The following ST8SIA4 variants were observed in gnomAD, a reference collection of about 807,000 sequenced individuals.
ST8SIA4 encodes ST8 alpha-N-acetyl-neuraminide alpha-2,8-sialyltransferase 4, also known as CMP-N-acetylneuraminate-poly-alpha-2,8-sialyltransferase.
A neutral mutation model predicts 33.9 loss-of-function variants in ST8SIA4; 15 were observed. The ratio of observed to expected loss-of-function variants is 0.44; its 90% CI spans 0.30 to 0.68. ST8SIA4 has a LOEUF of 0.68. Ranked by LOEUF, ST8SIA4 falls within the 30% of genes least tolerant of loss-of-function variation. ST8SIA4 has a pLI of 0.10. For missense variants in ST8SIA4, 321 were observed against 428.0 expected, an observed-to-expected ratio of 0.75 and a Z score of 2.21; for synonymous variants, 171 against 151.2, an observed-to-expected ratio of 1.13 and a Z score of -0.96.
chr5:100,852,909 A>C (rs1163824852), intron 4 of ST8SIA4, among the ~76,000 whole-genome samples: 2 of 152,214 alleles, frequency 1.3e-5, no homozygotes, highest in Non-Finnish European at 2.9e-5. Context: ...TTTACAAATC[A>C]CTGAAACTTT....
intron 1 of ST8SIA4, among the ~76,000 whole-genome samples, chr5:100,898,510 G>A (rs184362079): frequency 7.2e-5 from 11 of 152,296 alleles, no homozygotes; most frequent in African/African-American, 2.6e-4. Context: ...CATTGAGCTG[G>A]TGATAAGCCA....
chr5:100,876,147 C>T (rs1358026798), intron 3 of ST8SIA4, among the ~76,000 whole-genome samples: 1 of 151,610 alleles, frequency 6.6e-6, no homozygotes, highest in Non-Finnish European at 1.5e-5. Context: ...AGAAATTATC[C>T]CAGAGATGAA....
chr5:100,838,147 T>C (rs1409719216), intron 4 of ST8SIA4, among the ~76,000 whole-genome samples: 1 of 151,936 alleles, frequency 6.6e-6, no homozygotes, highest in Non-Finnish European at 1.5e-5. Flanking sequence ...AGGATGTCAG[T>C]GCCTAGAGTA....
At chr5:100,848,112 C>T (rs1751607213) in intron 4 of ST8SIA4, among the ~76,000 whole-genome samples, 1 of 151,576 alleles carries the variant, frequency 6.6e-6, no homozygotes, top group South Asian at 2.1e-4. Flanking sequence ...GAAATTACTA[C>T]AAATAAATTC....
intron 3 of ST8SIA4, 21 bp from the exon 4 acceptor site, chr5:100,856,417 G>A (rs1180045847): frequency 6.4e-7 from 1 of 1,573,838 alleles, no homozygotes; most frequent in Non-Finnish European, 8.6e-7. Flanking sequence ...AAAAATTAAT[G>A]GGACAAATGA....
chr5:100,853,679 A>G (rs1751750301), intron 4 of ST8SIA4, among the ~76,000 whole-genome samples: 1 of 152,214 alleles, frequency 6.6e-6, no homozygotes, highest in Non-Finnish European at 1.5e-5. Context: ...TTAAATTACT[A>G]AAAGAATCTG....
At chr5:100,832,633 T>C (rs1166471682) in intron 4 of ST8SIA4, among the ~76,000 whole-genome samples, 2 of 152,110 alleles carry the variant, frequency 1.3e-5, no homozygotes, top group African/African-American at 4.8e-5. Context: ...TCTTTCCTTC[T>C]CTTCTTTTTT....
At chr5:100,867,397 A>G (rs1001732987) in intron 3 of ST8SIA4, among the ~76,000 whole-genome samples, 1 of 152,094 alleles carries the variant, frequency 6.6e-6, no homozygotes, top group Admixed American at 6.5e-5. Context: ...GTTTAACAGA[A>G]GAAAGAACTG....
At chr5:100,849,196 T>A in intron 4 of ST8SIA4, 1 of 985,352 alleles carries the variant, frequency 1.0e-6, no homozygotes, top group South Asian at 4.7e-5. Context: ...TATTCCCATG[T>A]GTAAGGACAA....
chr5:100,889,246 A>T (rs1356531615), intron 2 of ST8SIA4, among the ~76,000 whole-genome samples: 3 of 151,968 alleles, frequency 2.0e-5, no homozygotes, highest in Non-Finnish European at 4.4e-5. Context: ...TTAATATCTG[A>T]CACCTGTACT....
At chr5:100,896,690 A>ATAT (rs1752787057) in intron 1 of ST8SIA4, among the ~76,000 whole-genome samples, 1 of 152,180 alleles carries the variant, frequency 6.6e-6, no homozygotes, top group South Asian at 2.1e-4. Flanking sequence ...TATCCCGTAA[A>ATAT]TATATACAAT....
At chr5:100,821,053 T>C (rs985010369) in intron 4 of ST8SIA4, among the ~76,000 whole-genome samples, 2 of 152,006 alleles carry the variant, frequency 1.3e-5, no homozygotes, top group Non-Finnish European at 2.9e-5. Flanking sequence ...AAAAGTGAAA[T>C]ACTAGAAAAA....
intron 2 of ST8SIA4, among the ~76,000 whole-genome samples, chr5:100,891,782 C>T (rs1016313763): frequency 6.6e-6 from 1 of 151,770 alleles, no homozygotes; most frequent in Non-Finnish European, 1.5e-5. Flanking sequence ...TTTATAAGGT[C>T]CTGGTTCCTC....
intron 4 of ST8SIA4, among the ~76,000 whole-genome samples, chr5:100,839,062 A>G (rs1751420575): frequency 6.6e-6 from 1 of 151,966 alleles, no homozygotes; most frequent in South Asian, 2.1e-4. Flanking sequence ...TCCTGGCCTC[A>G]AGCAATCCTC....
At chr5:100,851,505 A>T (rs1052830056) in intron 4 of ST8SIA4, among the ~76,000 whole-genome samples, 1 of 151,788 alleles carries the variant, frequency 6.6e-6, no homozygotes, top group African/African-American at 2.4e-5. Flanking sequence ...CTTTCCTATT[A>T]AAAAAAACAA....
intron 4 of ST8SIA4, among the ~76,000 whole-genome samples, chr5:100,827,739 A>AAACTGC (rs1431648404): frequency 4.6e-5 from 7 of 152,202 alleles, no homozygotes; most frequent in African/African-American, 1.7e-4. Flanking sequence ...CTTCAGAGAC[A>AAACTGC]AACTGCACGT....
At chr5:100,860,266 A>G (rs1006466679) in intron 3 of ST8SIA4, among the ~76,000 whole-genome samples, 2 of 152,082 alleles carry the variant, frequency 1.3e-5, no homozygotes, top group African/African-American at 4.8e-5. Flanking sequence ...GGCCAATCCC[A>G]CTGTGTTGCT....
intron 3 of ST8SIA4, among the ~76,000 whole-genome samples, chr5:100,876,097 TTAA>T (rs1179128947): frequency 6.6e-6 from 1 of 152,070 alleles, no homozygotes; most frequent in African/African-American, 2.4e-5. Context: ...TCCTCTGTAT[TTAA>T]TAATACCAGA....
intron 4 of ST8SIA4, among the ~76,000 whole-genome samples, chr5:100,853,327 C>A (rs1284794377): frequency 6.6e-6 from 1 of 152,190 alleles, no homozygotes; most frequent in African/African-American, 2.4e-5. Context: ...CACACGTACA[C>A]CATGTGTACA....
Sources: gnomAD v4.1 joint callset for allele counts (sites outside exome capture counted in the v4.1 genomes callset) on GRCh38, gnomAD v4.1.1 for gene constraint, MANE v1.5 for transcripts, NCBI Gene and HGNC (gene_info 2026-07-23, HGNC 2026-07-21) for gene names.